Variants in MAGI2 observed in about 807,000 individuals in gnomAD.
The protein encoded by MAGI2 is membrane associated guanylate kinase, WW and PDZ domain containing 2.
Under a neutral mutation model 133.3 loss-of-function variants are expected in MAGI2, and 35 were observed. The ratio of observed to expected loss-of-function variants is 0.26; its 90% CI spans 0.20 to 0.35. MAGI2 has a LOEUF of 0.35. Ranked by LOEUF, MAGI2 falls within the 10% of genes least tolerant of loss-of-function variation. MAGI2 has a pLI of 1.00. For synonymous variants in MAGI2, 729 were observed against 710.6 expected (o/e 1.03, Z -0.41); for missense variants, 1,636 against 1,863.4 (o/e 0.88, Z 2.25).
intron 6 of MAGI2, among the ~76,000 whole-genome samples, chr7:78,410,407 C>T (rs191068720): frequency 3.9e-5 from 6 of 152,138 alleles, no homozygotes; most frequent in South Asian, 2.1e-4. Flanking sequence ...ATGTCTTTCT[C>T]CCTTCTTAGA....
At chr7:79,330,170 C>T (rs1881294) in intron 1 of MAGI2, among the ~76,000 whole-genome samples, 118,503 of 140,166 alleles carry the variant, frequency 0.85, 50,032 homozygotes, top group Middle Eastern at 0.86. Context: ...CAGTAACAAA[C>T]AATCTGCATC....
intron 1 of MAGI2, among the ~76,000 whole-genome samples, chr7:79,288,152 C>T (rs1836167428): frequency 6.6e-6 from 1 of 152,120 alleles, no homozygotes; most frequent in African/African-American, 2.4e-5. Context: ...GACATTAGAG[C>T]CAGACTGCCT....
chr7:79,374,757 T>C (rs1422405347), intron 1 of MAGI2, among the ~76,000 whole-genome samples: 1 of 152,008 alleles, frequency 6.6e-6, no homozygotes. Flanking sequence ...AACATTTCTT[T>C]ATGGGTATAA....
At chr7:78,817,379 A>T (rs1288188635) in intron 2 of MAGI2, among the ~76,000 whole-genome samples, 1 of 152,262 alleles carries the variant, frequency 6.6e-6, no homozygotes, top group Non-Finnish European at 1.5e-5. Flanking sequence ...GATTGACTTC[A>T]GTTTCGAAAG....
chr7:78,685,901 C>T (rs1496772), intron 2 of MAGI2, among the ~76,000 whole-genome samples: 6,773 of 151,706 alleles, frequency 0.045, 220 homozygotes, highest in Admixed American at 0.1. Context: ...TTAGTACTTA[C>T]GTTCAAAAAA....
chr7:78,706,339 A>G (rs972461650), intron 2 of MAGI2, among the ~76,000 whole-genome samples: 4 of 151,830 alleles, frequency 2.6e-5, no homozygotes, highest in Admixed American at 2.0e-4. Flanking sequence ...TTCTCTTGCC[A>G]CCATCATATA....
intron 21 of MAGI2, among the ~76,000 whole-genome samples, chr7:78,022,165 G>A (rs909969318): frequency 1.3e-5 from 2 of 152,144 alleles, no homozygotes; most frequent in Non-Finnish European, 2.9e-5. Context: ...ACTTTTGGGT[G>A]GGTTAGAGTT....
At chr7:78,335,190 T>C (rs1418727671) in intron 9 of MAGI2, among the ~76,000 whole-genome samples, 1 of 152,206 alleles carries the variant, frequency 6.6e-6, no homozygotes, top group Admixed American at 6.5e-5. Flanking sequence ...AGTGTCTTCT[T>C]GGCTGGGAGG....
intron 9 of MAGI2, among the ~76,000 whole-genome samples, chr7:78,304,075 A>T (rs562565141): frequency 6.6e-6 from 1 of 152,128 alleles, no homozygotes; most frequent in African/African-American, 2.4e-5. Flanking sequence ...TTCTTAGCAC[A>T]TCCATCTATT....
chr7:78,467,770 A>G (rs1342738457), intron 6 of MAGI2, among the ~76,000 whole-genome samples: 1 of 152,180 alleles, frequency 6.6e-6, no homozygotes, highest in Non-Finnish European at 1.5e-5. Context: ...AACATTTTTA[A>G]TAGCAGAACA....
rs761393398 is a variant in MAGI2 at position 78,523,819 on chromosome 7, A to C, written c.539-2174T>G. 3.3e-5 allele frequency among the ~76,000 whole-genome samples: 5 copies of C among 152,324 alleles called. 1 individual carries two copies. The Middle Eastern group carries it at 0.01, about 311-fold the overall frequency. Reference sequence around the variant, plus strand: ...GTGGGGATTATGGGGATTACAATTCAAGATGAGATTTTTGGTGGGGACACA... The same window carrying C: ...GTGGGGATTATGGGGATTACAATTCCAGATGAGATTTTTGGTGGGGACACA... On this transcript the variant is annotated intron_variant, in intron 3 of 21. Transcript: ENST00000354212.
intron 3 of MAGI2, among the ~76,000 whole-genome samples, chr7:78,573,311 T>G: frequency 2.0e-5 from 1 of 49,556 alleles, no homozygotes; most frequent in African/African-American, 8.1e-5. Context: ...TTTATATATA[T>G]AAATATATAA....
At chr7:79,225,145 G>A (rs1273825910) in intron 1 of MAGI2, among the ~76,000 whole-genome samples, 1 of 152,142 alleles carries the variant, frequency 6.6e-6, no homozygotes, top group Non-Finnish European at 1.5e-5. Context: ...ATGCTAGGCT[G>A]TGGGCTTCTC....
At chr7:78,994,971 A>G (rs1475552554) in intron 2 of MAGI2, among the ~76,000 whole-genome samples, 1 of 152,128 alleles carries the variant, frequency 6.6e-6, no homozygotes, top group Non-Finnish European at 1.5e-5. Flanking sequence ...TTAGATTTAG[A>G]TTAGAATTCA....
intron 6 of MAGI2, among the ~76,000 whole-genome samples, chr7:78,461,407 T>TGC (rs969565862): frequency 3.3e-5 from 5 of 151,328 alleles, no homozygotes; most frequent in South Asian, 2.1e-4. Context: ...TGTGTGTGTG[T>TGC]GTGTGTGTGT....
Position 79,391,675 on chromosome 7 carries a change from TTTTG to T in MAGI2, c.301+61341_301+61344del, listed in dbSNP as rs539985983. Among the ~76,000 whole-genome samples, 389 of 151,264 alleles carry T rather than the reference TTTTG, an allele frequency of 2.6e-3. 2 individuals are homozygous for T. Among genetic ancestry groups the T allele is most frequent in the African/African-American group, 8.6e-3 (356 of 41,268 alleles). On this transcript the variant is annotated intron_variant, in intron 1 of 21. Coordinates refer to ENST00000354212, the MANE Select transcript of MAGI2 (RefSeq NM_012301.4). ...CCTTTCATGCCGTCATGTAGGTGTT[TTTTG>T]TTTGTTTGTTTGTTTTTGTTTGTTT...
intron 9 of MAGI2, among the ~76,000 whole-genome samples, chr7:78,278,866 G>T (rs80324898): frequency 6.6e-6 from 1 of 152,084 alleles, no homozygotes; most frequent in Admixed American, 6.6e-5. Flanking sequence ...CTCTGGTTTT[G>T]TTTCTCTGGA....
chr7:78,628,829 C>G (rs571491789), intron 2 of MAGI2, among the ~76,000 whole-genome samples: 1 of 149,590 alleles, frequency 6.7e-6, no homozygotes, highest in Non-Finnish European at 1.5e-5. Context: ...TTTCAATATT[C>G]TGACTTTTAT....
chr7:78,202,261 A>G (rs752113224), intron 10 of MAGI2, among the ~76,000 whole-genome samples: 23 of 152,204 alleles, frequency 1.5e-4, no homozygotes, highest in Non-Finnish European at 2.6e-4. Flanking sequence ...TTCCATTTGT[A>G]GGAAATATCT....
Sources: allele counts gnomAD v4.1 joint callset (sites outside exome capture counted in the v4.1 genomes callset), GRCh38; gene constraint gnomAD v4.1.1; transcripts MANE v1.5; gene names NCBI Gene and HGNC (gene_info 2026-07-23, HGNC 2026-07-21).